Variants in ISM1 observed in about 807,000 individuals in gnomAD.
ISM1 encodes the protein isthmin 1, also known as isthmin-1.
A neutral mutation model predicts 46.3 loss-of-function variants in ISM1; 25 were observed. That is an observed-to-expected ratio of 0.54 (90% CI 0.39 to 0.75). ISM1 has a LOEUF of 0.75. ISM1 is among the 30% of genes least tolerant of loss of function. The pLI is 0.00. For synonymous variants in ISM1, 255 were observed against 256.7 expected (o/e 0.99, Z 0.06); for missense variants, 536 against 625.4 (o/e 0.86, Z 1.52).
the ISM1 span, among the ~76,000 whole-genome samples, chr20:13,321,429 AAG>A: frequency 2.6e-5 from 4 of 152,236 alleles, no homozygotes; most frequent in African/African-American, 9.6e-5. Flanking sequence ...CTTTCTAGGT[AAG>A]AGGGGATTGT....
intron 1 of ISM1, among the ~76,000 whole-genome samples, chr20:13,262,704 G>C (rs555596047): frequency 6.6e-6 from 1 of 152,248 alleles, no homozygotes; most frequent in East Asian, 1.9e-4. Context: ...GTTTACAGAA[G>C]TATTCAAGAC....
At chr20:13,263,583 G>T (rs1465960690) in intron 1 of ISM1, among the ~76,000 whole-genome samples, 1 of 152,162 alleles carries the variant, frequency 6.6e-6, no homozygotes, top group Non-Finnish European at 1.5e-5. Flanking sequence ...ACCACTAGTG[G>T]CATTCTTGAA....
At chr20:13,243,396 T>C (rs4606997) in intron 1 of ISM1, among the ~76,000 whole-genome samples, 16,081 of 152,106 alleles carry the variant, frequency 0.11, 1,228 homozygotes, top group African/African-American at 0.2. Flanking sequence ...TGGAAATGTA[T>C]TCCCTGATAA....
At chr20:13,307,950 G>A in the ISM1 span, among the ~76,000 whole-genome samples, 1 of 152,202 alleles carries the variant, frequency 6.6e-6, no homozygotes, top group Non-Finnish European at 1.5e-5. Context: ...AGTGGAATTA[G>A]AAGGTCATAG....
intron 1 of ISM1, among the ~76,000 whole-genome samples, chr20:13,247,746 G>A (rs1008824740): frequency 6.6e-6 from 1 of 152,152 alleles, no homozygotes; most frequent in Non-Finnish European, 1.5e-5. Flanking sequence ...ACCTGACCAC[G>A]ACAGGAAGTG....
chr20:13,257,626 G>A (rs1051348783), intron 1 of ISM1, among the ~76,000 whole-genome samples: 4 of 151,790 alleles, frequency 2.6e-5, no homozygotes, highest in Admixed American at 6.6e-5. Context: ...TTTTGTTGAC[G>A]AGACCTGATT....
intron 3 of ISM1, among the ~76,000 whole-genome samples, chr20:13,287,904 C>A (rs2123306192): frequency 6.6e-6 from 1 of 152,304 alleles, no homozygotes; most frequent in South Asian, 2.1e-4. Context: ...GGCAGGGCCA[C>A]TGGGTAGGTA....
the ISM1 span, among the ~76,000 whole-genome samples, chr20:13,306,892 G>A: frequency 6.6e-6 from 1 of 152,180 alleles, no homozygotes; most frequent in Non-Finnish European, 1.5e-5. Context: ...AGAATCTCCT[G>A]TCAAGAACAT....
intron 1 of ISM1, among the ~76,000 whole-genome samples, chr20:13,258,512 C>T (rs1339043736): frequency 6.6e-6 from 1 of 152,180 alleles, no homozygotes; most frequent in African/African-American, 2.4e-5. Context: ...CCTGCTCAGA[C>T]TCAAACTGAT....
intron 2 of ISM1, among the ~76,000 whole-genome samples, chr20:13,279,162 G>A (rs2040211471): frequency 6.6e-6 from 1 of 152,158 alleles, no homozygotes; most frequent in South Asian, 2.1e-4. Flanking sequence ...GAGCATTTAG[G>A]ATAGTGCCTG....
chr20:13,264,982 A>G (rs1398268873), intron 1 of ISM1, among the ~76,000 whole-genome samples: 1 of 152,198 alleles, frequency 6.6e-6, no homozygotes, highest in East Asian at 1.9e-4. Flanking sequence ...CTAGTGGACA[A>G]GTCACAGCGC....
At chr20:13,226,444 C>A (rs1402549594) in intron 1 of ISM1, among the ~76,000 whole-genome samples, 1 of 152,002 alleles carries the variant, frequency 6.6e-6, no homozygotes, top group Non-Finnish European at 1.5e-5. Context: ...ACAATTGTTT[C>A]ACTTAGCTAT....
intron 5 of ISM1, among the ~76,000 whole-genome samples, chr20:13,297,596 T>A (rs558552204): frequency 6.6e-6 from 1 of 152,238 alleles, no homozygotes; most frequent in East Asian, 1.9e-4. Context: ...AATGAAAGGA[T>A]CAAGTAGGAG....
chr20:13,305,215 A>C (rs993668345), downstream of ISM1, among the ~76,000 whole-genome samples: 3 of 151,636 alleles, frequency 2.0e-5, no homozygotes, highest in African/African-American at 7.3e-5. Context: ...AAAAAAAAAA[A>C]AAAACCCTTA....
the ISM1 span, among the ~76,000 whole-genome samples, chr20:13,311,209 A>AGAT: frequency 1.6e-5 from 2 of 124,042 alleles, no homozygotes; most frequent in Non-Finnish European, 3.5e-5. Flanking sequence ...AAATAGATAT[A>AGAT]GATAGATGAT....
chr20:13,259,000 G>C (rs2039957711), intron 1 of ISM1, among the ~76,000 whole-genome samples: 1 of 152,096 alleles, frequency 6.6e-6, no homozygotes, highest in Admixed American at 6.5e-5. Flanking sequence ...TTAGGAATCT[G>C]GGCCGGGCGC....
chr20:13,248,244 G>C (rs775007946), intron 1 of ISM1, among the ~76,000 whole-genome samples: 1 of 152,078 alleles, frequency 6.6e-6, no homozygotes, highest in East Asian at 1.9e-4. Context: ...AACATTTCTT[G>C]TTGCTCCACT....
the ISM1 span, among the ~76,000 whole-genome samples, chr20:13,323,052 G>T: frequency 6.6e-6 from 1 of 152,020 alleles, no homozygotes; most frequent in Admixed American, 6.6e-5. Context: ...TGCATACTCT[G>T]GGGGAAGACA....
At chr20:13,255,313 G>C (rs7272844) in intron 1 of ISM1, among the ~76,000 whole-genome samples, 1 of 152,114 alleles carries the variant, frequency 6.6e-6, no homozygotes, top group African/African-American at 2.4e-5. Flanking sequence ...AGTAATAAGG[G>C]ACTTGAAGAT....
Sources: gnomAD v4.1 joint callset for allele counts (sites outside exome capture counted in the v4.1 genomes callset) on GRCh38, gnomAD v4.1.1 for gene constraint, MANE v1.5 for transcripts, NCBI Gene and HGNC (gene_info 2026-07-23, HGNC 2026-07-21) for gene names.